Variants in ANAPC5 observed in about 807,000 individuals in gnomAD.
ANAPC5 encodes anaphase promoting complex subunit 5.
Under a neutral mutation model 91.3 loss-of-function variants are expected in ANAPC5, and 60 were observed. The ratio of observed to expected loss-of-function variants is 0.66; its 90% CI spans 0.53 to 0.81. The LOEUF is 0.81. ANAPC5 is among the 40% of genes least tolerant of loss of function. The pLI, the probability that ANAPC5 is intolerant of heterozygous loss-of-function variation, is 0.00. For missense variants in ANAPC5, 690 were observed against 931.5 expected (o/e 0.74, Z 3.37); for synonymous variants, 340 against 364.1 (o/e 0.93, Z 0.75).
At chr12:121,315,789 C>A (rs1168620901) in intron 15 of ANAPC5, among the ~76,000 whole-genome samples, 2 of 152,008 alleles carry the variant, frequency 1.3e-5, no homozygotes, top group Admixed American at 1.3e-4. Flanking sequence ...ATAGTATATA[C>A]AAAAATTAAC....
At chr12:121,334,689 G>GC (rs1555273221) in intron 7 of ANAPC5, 1 of 152,206 alleles carries the variant, frequency 6.6e-6, no homozygotes, top group African/African-American at 2.4e-5. Context: ...TCACCTGACT[G>GC]AGCAGCCTGA....
rs1167492001 is a variant in ANAPC5, at chr12:121,330,173, A to C, written c.1122+410T>G. ...TGATTTTTTTTTTCTGCAATCACTT[A>C]AAAATGTAAAATCCACTCAGCCTGA... On this transcript the variant is annotated intron_variant, in intron 9 of 16. Coordinates refer to ENST00000261819, the MANE Select transcript of ANAPC5 (RefSeq NM_016237.5). 2.6e-5 allele frequency among the ~76,000 whole-genome samples: 4 copies of C among 152,204 alleles called. No homozygotes were observed. The East Asian group carries it at 7.7e-4, about 29-fold the overall frequency.
In ANAPC5 at chr12:121,318,486, C is replaced by T. The variant is rs771701266; in HGVS notation, c.1745+15G>A. Reference sequence around the variant, plus strand: ...CACCACCACATCTCCGTGAGATGTACAAGAGACCCCTTACCTGATCACCAT... The same window carrying T: ...CACCACCACATCTCCGTGAGATGTATAAGAGACCCCTTACCTGATCACCAT... On this transcript the variant is annotated intron_variant, in intron 14 of 16. Transcript: ENST00000261819. The T allele has an allele frequency of 6.2e-7, 1 of 1,613,454 alleles. No homozygotes were observed.
intron 2 of ANAPC5, 180 bp from the exon 3 acceptor site, chr12:121,347,185 A>G (rs1038646164): frequency 2.9e-5 from 15 of 525,044 alleles, no homozygotes; most frequent in Admixed American, 7.5e-5. Flanking sequence ...TCTGAAAAGT[A>G]TCATTGTTGT....
chr12:121,327,178 G>T lies in ANAPC5; in HGVS notation c.1358C>A (p.Ala453Glu). 1 of 1,613,416 alleles carries T rather than the reference G, an allele frequency of 6.2e-7. No individual in the cohort carries two copies. The highest frequency in any genetic ancestry group is 8.5e-7 in the Non-Finnish European group (1 of 1,179,956). The change falls in exon 11 of 17, where the codon GCG (alanine) becomes GAG (glutamate). Residue 453 changes from alanine (A) to glutamate (E), a missense_variant. Around this residue, in one of 5 missense-constraint regions of ANAPC5, gnomAD observed 317 missense variants for 438.7 expected, o/e 0.72. Transcript: ENST00000261819. ...GTTCTGCTGCACGCCCGCATTCACC[G>T]CCTCCAGGCTGTTCATGCTCAGCAA... ...QMLLSMNSLE[A>E]VNAGVQQNNT...
At chr12:121,313,656 T>C (rs561636454) in intron 15 of ANAPC5, among the ~76,000 whole-genome samples, 2 of 152,016 alleles carry the variant, frequency 1.3e-5, no homozygotes, top group South Asian at 4.1e-4. Flanking sequence ...AAAGGTAAAA[T>C]GAACAAATTC....
At chr12:121,347,150 T>C in intron 2 of ANAPC5, 145 bp from the exon 3 acceptor site, 1 of 529,308 alleles carries the variant, frequency 1.9e-6, no homozygotes, top group Non-Finnish European at 3.3e-6. Flanking sequence ...ACAAACTTCA[T>C]AATTCAAAAT....
intron 15 of ANAPC5, among the ~76,000 whole-genome samples, chr12:121,316,454 C>T (rs1902362499): frequency 6.6e-6 from 1 of 152,074 alleles, no homozygotes; most frequent in African/African-American, 2.4e-5. Flanking sequence ...GTATTCAACC[C>T]CGGGCGCGGT....
chr12:121,353,265 T>C (rs1429937599), upstream of ANAPC5, among the ~76,000 whole-genome samples: 1 of 152,146 alleles, frequency 6.6e-6, no homozygotes, highest in Non-Finnish European at 1.5e-5. Flanking sequence ...TGAACCTGAT[T>C]TTTCACAATT....
chr12:121,348,721 G>T (rs1555274954), intron 1 of ANAPC5, among the ~76,000 whole-genome samples: 3 of 152,138 alleles, frequency 2.0e-5, no homozygotes, highest in Admixed American at 6.6e-5. Flanking sequence ...CAGCTACCAA[G>T]AAGATTACAG....
Position 121,320,441 on chromosome 12 carries a change from A to G in ANAPC5, c.1459T>C (p.Ser487Pro), listed in dbSNP as rs776967113. 3 of 1,613,868 alleles carry G rather than the reference A, an allele frequency of 1.9e-6. No individual in the cohort carries two copies. The highest frequency in any genetic ancestry group is 2.5e-6 in the Non-Finnish European group (3 of 1,179,780). ...HAEQGCFAAA[S>P]EVLKHLKERF... ...TCCTTCAAGTGCTTTAACACTTCAG[A>G]AGCTGCAGCAAAACAGCCCTAAAGT... Residue 487 changes from serine to proline, a missense_variant, in exon 12 of 17, where the codon TCT becomes CCT. Physicochemically the swap from Ser to Pro is moderately conservative, Grantham distance 74. Around this residue, in one of 5 missense-constraint regions of ANAPC5, gnomAD observed 317 missense variants for 438.7 expected, o/e 0.72. Coordinates refer to ENST00000261819, the MANE Select transcript of ANAPC5 (RefSeq NM_016237.5).
intron 11 of ANAPC5, among the ~76,000 whole-genome samples, chr12:121,323,392 T>A (rs117963325): frequency 6.6e-6 from 1 of 152,060 alleles, no homozygotes; most frequent in African/African-American, 2.4e-5. Context: ...TGGTGCAATC[T>A]CAGCTCATTG....
At chr12:121,329,081 T>C (rs549384809) in intron 9 of ANAPC5, 1 of 152,682 alleles carries the variant, frequency 6.5e-6, no homozygotes, top group East Asian at 1.9e-4. Context: ...ACTTTTGTCA[T>C]TATAATCAAT....
In ANAPC5 at chr12:121,308,590, G is replaced by A. The variant is rs566980298; in HGVS notation, c.2158C>T (p.Leu720Phe). Residue 720 changes from leucine to phenylalanine, a missense_variant, in exon 17 of 17, where the codon CTC (leucine) becomes TTC (phenylalanine). Transcript: ENST00000261819. ...IRDVVYFQAR[L>F]YHTLGKTQER... ...TGGGTCTTCCCCAGGGTATGGTAGA[G>A]TCTGGCCTGGAAGTAAACGACGTCC... 2.5e-6 allele frequency: 4 copies of A among 1,614,160 alleles called. No individual in the cohort carries two copies. The highest frequency in any genetic ancestry group is 1.3e-5 in the African/African-American group (1 of 75,032).
At chr12:121,347,137 AAAAC>A in intron 2 of ANAPC5, 132 bp from the exon 3 acceptor site, 1 of 537,412 alleles carries the variant, frequency 1.9e-6, no homozygotes, top group Non-Finnish European at 3.2e-6. Flanking sequence ...GGTGGCTCAT[AAAAC>A]AAACTTCATA....
Position 121,318,593 on chromosome 12 carries a change from T to TA in ANAPC5, c.1652dup (p.Leu551PhefsTer12). The TA allele has an allele frequency of 6.2e-7, 1 of 1,614,052 alleles. No homozygotes were observed. Among genetic ancestry groups the TA allele is most frequent in the Non-Finnish European group, 8.5e-7 (1 of 1,179,918 alleles). ...CCTCTGACATTTGGTTCTGAGCTTG[T>TA]AATACAACCGCTTTCCTGAAACAGA... On this transcript the variant is annotated frameshift_variant, in exon 14 of 17. Coordinates refer to ENST00000261819, the MANE Select transcript of ANAPC5 (RefSeq NM_016237.5). LOFTEE classifies it high-confidence loss of function.
chr12:121,328,219 C>A (rs1256586207), intron 10 of ANAPC5, 97 bp downstream of exon 10: 5 of 1,060,966 alleles, frequency 4.7e-6, no homozygotes, highest in South Asian at 1.5e-5. Context: ...CTATCCAAGG[C>A]AGGTAAATCT....
At chr12:121,351,542 C>T (rs1387132669) in intron 1 of ANAPC5, among the ~76,000 whole-genome samples, 1 of 151,606 alleles carries the variant, frequency 6.6e-6, no homozygotes, top group East Asian at 2.0e-4. Flanking sequence ...ACTGCAACCT[C>T]CGCTTCCCAG....
Position 121,308,552 on chromosome 12 carries a change from C to T in ANAPC5, c.2196G>A (p.Arg732=), listed in dbSNP as rs147746301. 182 of 1,614,044 alleles carry T rather than the reference C, an allele frequency of 1.1e-4. No homozygotes were observed. The highest frequency in any genetic ancestry group is 1.6e-4 in the Middle Eastern group (1 of 6,084). ...HTLGKTQERN[R]CAMLFRQLHQ... is the part of the protein sequence containing the mutation. ...GCAGCTGCCGGAAGAGCATCGCACA[C>T]CGGTTCCTCTCCTGGGTCTTCCCCA... Residue 732 remains arginine (R), a synonymous_variant, in exon 17 of 17, where the codon CGG becomes CGA. Transcript: ENST00000261819.
Sources: gnomAD v4.1 joint callset for allele counts (sites outside exome capture counted in the v4.1 genomes callset) on GRCh38, gnomAD v4.1.1 for gene constraint, gnomAD v4.1.1 regional missense constraint, MANE v1.5 for transcripts, NCBI Gene and HGNC (gene_info 2026-07-23, HGNC 2026-07-21) for gene names.